Variants in FARP1 observed in about 807,000 individuals in gnomAD.
FARP1 encodes the protein FERM, ARHGEF and pleckstrin domain-containing protein 1.
In FARP1, 52 loss-of-function variants were observed where a neutral mutation model predicts 128.8. The ratio of observed to expected loss-of-function variants is 0.40; its 90% CI spans 0.32 to 0.51. FARP1 has a LOEUF of 0.51. FARP1 is among the 20% of genes least tolerant of loss of function. The pLI is 0.45. For missense variants in FARP1, 1,333 were observed against 1,367.9 expected (o/e 0.97, Z 0.40); for synonymous variants, 580 against 551.8 (o/e 1.05, Z -0.72).
chr13:98,288,573 T>C (rs1413697497), intron 2 of FARP1, among the ~76,000 whole-genome samples: 20 of 152,220 alleles, frequency 1.3e-4, no homozygotes, highest in Non-Finnish European at 2.4e-4. Flanking sequence ...AATTTTGTAT[T>C]GTCTCCTTTA....
At chr13:98,251,077 A>C (rs558501651) in intron 2 of FARP1, among the ~76,000 whole-genome samples, 1 of 152,350 alleles carries the variant, frequency 6.6e-6, no homozygotes, top group African/African-American at 2.4e-5. Context: ...TCTTAGAAAA[A>C]TGACGATTTC....
chr13:98,398,933 T>C (rs1890657081), intron 13 of FARP1: 1 of 152,234 alleles, frequency 6.6e-6, no homozygotes. Context: ...AAAACACGCT[T>C]CAATCATTAT....
chr13:98,359,479 G>A (rs1443897931), intron 3 of FARP1, among the ~76,000 whole-genome samples: 1 of 152,222 alleles, frequency 6.6e-6, no homozygotes, highest in Non-Finnish European at 1.5e-5. Flanking sequence ...AGAAAGAGGA[G>A]AACAGCTTTG....
rs961706108 is a variant in FARP1 at position 98,176,258 on chromosome 13, C to T, written c.-24+32766C>T. ...GGAATTGGACACTCATGGGGGTCTTCTGTGAAATGGGACTTGCCCCCACCT... is the reference window on the plus strand; with the variant it reads ...GGAATTGGACACTCATGGGGGTCTTTTGTGAAATGGGACTTGCCCCCACCT... On this transcript the variant is annotated intron_variant, in intron 1 of 26. Coordinates refer to ENST00000319562, the MANE Select transcript of FARP1 (RefSeq NM_005766.4). The surrounding 1 kb of genome is among the most constrained non-coding windows in gnomAD (Gnocchi z 6.2). 5.0e-6 allele frequency: 8 copies of T among 1,609,940 alleles called. No individual in the cohort carries two copies. Among genetic ancestry groups the T allele is most frequent in the Middle Eastern group, 1.6e-4 (1 of 6,068 alleles).
At chr13:98,395,175 AAC>A (rs1890469944) in intron 12 of FARP1, 50 bp from the exon 13 acceptor site, 1 of 1,529,528 alleles carries the variant, frequency 6.5e-7, no homozygotes. Context: ...GCCTTGGAAT[AAC>A]AGTCTCCCTC....
chr13:98,315,868 C>T (rs544431312), intron 2 of FARP1, among the ~76,000 whole-genome samples: 1 of 152,244 alleles, frequency 6.6e-6, no homozygotes, highest in South Asian at 2.1e-4. Flanking sequence ...CAATTGTGAT[C>T]CTCAAATAAA....
chr13:98,199,061 GTATT>G (rs958895087), intron 1 of FARP1, among the ~76,000 whole-genome samples: 2 of 148,492 alleles, frequency 1.3e-5, no homozygotes, highest in African/African-American at 5.0e-5. Context: ...TCTCACCTGC[GTATT>G]TAATTTTCTT....
At chr13:98,370,620 G>A (rs1441022925) in intron 5 of FARP1, among the ~76,000 whole-genome samples, 2 of 152,058 alleles carry the variant, frequency 1.3e-5, no homozygotes, top group East Asian at 3.9e-4. Context: ...GAAAAGGATG[G>A]AGGGAAGTGG....
chr13:98,251,926 C>T (rs938138054), intron 2 of FARP1, among the ~76,000 whole-genome samples: 2 of 152,176 alleles, frequency 1.3e-5, no homozygotes, highest in Non-Finnish European at 2.9e-5. Flanking sequence ...TGGCTCAATG[C>T]AGTCTCCGCC....
At chr13:98,279,282 G>A (rs897984798) in intron 2 of FARP1, among the ~76,000 whole-genome samples, 1 of 152,172 alleles carries the variant, frequency 6.6e-6, no homozygotes, top group African/African-American at 2.4e-5. Context: ...AGATTCAAGA[G>A]AATGTTGAAG....
At chr13:98,256,953 A>ATATATATATATATATATATATATG (rs1566801041) in intron 2 of FARP1, among the ~76,000 whole-genome samples, 6 of 48,906 alleles carry the variant, frequency 1.2e-4, no homozygotes, top group Admixed American at 2.2e-4. Context: ...ATGTGGATAT[A>ATATATATATATATATATATATATG]TATATATATA....
intron 2 of FARP1, chr13:98,244,633 C>T (rs750693162): frequency 6.2e-7 from 1 of 1,614,212 alleles, no homozygotes; most frequent in Non-Finnish European, 8.5e-7. Flanking sequence ...CTTACAGGCT[C>T]TATTTCTTAC....
At chr13:98,290,792 T>C (rs1277009111) in intron 2 of FARP1, among the ~76,000 whole-genome samples, 2 of 152,016 alleles carry the variant, frequency 1.3e-5, no homozygotes, top group Non-Finnish European at 2.9e-5. Context: ...GGGTATTGAA[T>C]GTGTGAGAAA....
intron 2 of FARP1, among the ~76,000 whole-genome samples, chr13:98,336,424 C>T (rs968754423): frequency 6.6e-6 from 1 of 152,100 alleles, no homozygotes; most frequent in African/African-American, 2.4e-5. Context: ...CACGCGCCAC[C>T]ACGCCCAGAT....
intron 2 of FARP1, among the ~76,000 whole-genome samples, chr13:98,266,637 T>C (rs1884128752): frequency 1.3e-5 from 2 of 152,322 alleles, no homozygotes; most frequent in South Asian, 4.1e-4. Context: ...AATTTCCATG[T>C]ATTACATTTA....
intron 1 of FARP1, chr13:98,175,906 T>G: frequency 1.9e-6 from 1 of 513,980 alleles, no homozygotes; most frequent in Non-Finnish European, 3.4e-6. Context: ...CCGTTAAGGC[T>G]TAATAGCATT....
Position 98,390,830 on chromosome 13 carries a change from G to A in FARP1, c.1038G>A (p.Gln346=). 2 of 1,613,748 alleles carry A rather than the reference G, an allele frequency of 1.2e-6. No individual in the cohort carries two copies. Among genetic ancestry groups the A allele is most frequent in the Non-Finnish European group, 1.7e-6 (2 of 1,179,758 alleles). ...GTTTCAGTGGTCGGACTCAGAAGCAGGTTCTCGACTATGTTAAAGAAGGAG... is the reference window on the plus strand; with the variant it reads ...GTTTCAGTGGTCGGACTCAGAAGCAAGTTCTCGACTATGTTAAAGAAGGAG... ...SFRFSGRTQK[Q]VLDYVKEGGH... The change falls in exon 11 of 27, where the codon CAG becomes CAA. Residue 346 remains glutamine, a synonymous_variant. Coordinates refer to ENST00000319562, the MANE Select transcript of FARP1 (RefSeq NM_005766.4).
At chr13:98,162,594 T>C (rs979781830) in intron 1 of FARP1, among the ~76,000 whole-genome samples, 7 of 152,208 alleles carry the variant, frequency 4.6e-5, no homozygotes, top group Non-Finnish European at 7.3e-5. Flanking sequence ...CTTGAACTTA[T>C]AGTCACAAAT....
At chr13:98,259,487 G>A (rs1411344733) in intron 2 of FARP1, among the ~76,000 whole-genome samples, 2 of 152,030 alleles carry the variant, frequency 1.3e-5, no homozygotes, top group Non-Finnish European at 2.9e-5. Context: ...TCCCTGTGTT[G>A]GGCCTCCCTC....
Sources: allele counts gnomAD v4.1 joint callset (sites outside exome capture counted in the v4.1 genomes callset), GRCh38; gene constraint gnomAD v4.1.1; non-coding constraint Gnocchi (gnomAD v3.1); transcripts MANE v1.5; gene names NCBI Gene and HGNC (gene_info 2026-07-23, HGNC 2026-07-21).